Variants in RREB1 observed in about 807,000 individuals in gnomAD.
RREB1 encodes ras-responsive element-binding protein 1.
RREB1 carries 27 observed loss-of-function variants against 117.8 expected under a neutral mutation model. That is an observed-to-expected ratio of 0.23 (90% CI 0.17 to 0.32). The LOEUF (loss-of-function observed/expected upper bound fraction) is 0.32, where lower values mean the gene tolerates loss of function less well. RREB1 is among the 10% of genes least tolerant of loss of function. The probability of loss-of-function intolerance (pLI) is 1.00; values close to 1 mark genes in which losing one functional copy is unlikely to be tolerated. For synonymous variants in RREB1, 1,298 were observed against 1,026.7 expected, an observed-to-expected ratio of 1.26 and a Z score of -5.05; for missense variants, 2,577 against 2,378.2, an observed-to-expected ratio of 1.08 and a Z score of -1.74.
At chr6:7,112,647 C>T (rs191729463) in intron 1 of RREB1, among the ~76,000 whole-genome samples, 3 of 152,218 alleles carry the variant, frequency 2.0e-5, no homozygotes, top group Non-Finnish European at 1.5e-5. Context: ...ACGGTGTGCT[C>T]TCTGAAATGC....
chr6:7,170,956 G>GGGT (rs1561758463), intron 1 of RREB1, among the ~76,000 whole-genome samples: 6 of 152,092 alleles, frequency 3.9e-5, no homozygotes, highest in African/African-American at 1.4e-4. Context: ...TTTCTGACTC[G>GGGT]GTAGGTCTGG....
intron 11 of RREB1, among the ~76,000 whole-genome samples, chr6:7,245,863 C>T (rs1050424031): frequency 3.3e-5 from 5 of 152,206 alleles, no homozygotes; most frequent in African/African-American, 1.2e-4. Context: ...GTCTCTGCAG[C>T]CTCCACCTGG....
intron 1 of RREB1, among the ~76,000 whole-genome samples, chr6:7,152,879 A>G (rs1198069633): frequency 2.0e-5 from 3 of 152,202 alleles, no homozygotes; most frequent in East Asian, 3.8e-4. Context: ...TTAGTTGTCA[A>G]TCCCACTAAA....
At chr6:7,211,051 C>T (rs35810776) in intron 7 of RREB1, 103 bp downstream of exon 7, 1 of 1,172,716 alleles carries the variant, frequency 8.5e-7, no homozygotes, top group Non-Finnish European at 1.2e-6. Context: ...GACATACATC[C>T]TAAGCTCTTA....
chr6:7,238,635 C>G (rs1474386941), intron 10 of RREB1, among the ~76,000 whole-genome samples: 1 of 151,908 alleles, frequency 6.6e-6, no homozygotes, highest in Non-Finnish European at 1.5e-5. Flanking sequence ...ATAAATTTTG[C>G]AGAAAACACC....
rs1487737021 is a variant in RREB1, at chr6:7,246,642, G to A, written c.4192G>A (p.Glu1398Lys). 1.3e-6 allele frequency: 2 copies of A among 1,574,268 alleles called. No homozygotes were observed. The highest frequency in any genetic ancestry group is 1.7e-6 in the Non-Finnish European group (2 of 1,160,102). ...GCCGGAGGAGGAGCATGGCACTGAGGAGAGCACTGGGGACGCCGACGGCGC... is the reference window on the plus strand; with the variant it reads ...GCCGGAGGAGGAGCATGGCACTGAGAAGAGCACTGGGGACGCCGACGGCGC... The part of the protein sequence containing the change: ...HEPEEEHGTE[E>K]STGDADGAEE... The change falls in exon 12 of 13, where the codon GAG (glutamate) becomes AAG (lysine). Residue 1398 changes from glutamate (E) to lysine (K), a missense_variant. Glu to Lys is a moderately conservative substitution (Grantham distance 56). Transcript: ENST00000379938.
chr6:7,225,324 C>T (rs957077122), intron 8 of RREB1, among the ~76,000 whole-genome samples: 2 of 152,066 alleles, frequency 1.3e-5, no homozygotes, highest in African/African-American at 4.8e-5. Flanking sequence ...CTGTGCTTCC[C>T]GATGCAGTTG....
intron 8 of RREB1, chr6:7,215,213 T>C (rs1027149767): frequency 3.9e-5 from 6 of 152,302 alleles, no homozygotes; most frequent in Admixed American, 1.3e-4. Context: ...TCCATCAGAA[T>C]AGAACTGAGC....
intron 10 of RREB1, among the ~76,000 whole-genome samples, chr6:7,236,280 G>C (rs548926872): frequency 6.6e-6 from 1 of 152,284 alleles, no homozygotes; most frequent in East Asian, 1.9e-4. Flanking sequence ...TTGGGACTAT[G>C]GGGTGTCCAT....
intron 1 of RREB1, among the ~76,000 whole-genome samples, chr6:7,171,777 A>T (rs1764222636): frequency 6.6e-6 from 1 of 152,044 alleles, no homozygotes; most frequent in Non-Finnish European, 1.5e-5. Context: ...GTCATGTGGA[A>T]CATGGCCATG....
At position 7,230,712 on chromosome 6, in the gene RREB1, C is replaced by G. The variant is rs755623398; in HGVS notation, c.2613C>G (p.His871Gln). The change falls in exon 10 of 13, where the codon CAC (histidine) becomes CAG (glutamine). Residue 871 changes from histidine to glutamine, a missense_variant. By Grantham distance (24) the His-to-Gln change is conservative (BLOSUM62 0). Transcript: ENST00000379938. ...AFLEPQNGFL[H>Q]RGPTQPPPPH... ...TGGAACCCCAGAACGGCTTTCTTCA[C>G]AGGGGCCCCACCCAGCCTCCACCTC... 9 of 1,595,864 alleles carry G rather than the reference C, an allele frequency of 5.6e-6. No homozygotes were observed. The Admixed American group carries it at 1.4e-4, about 24-fold the overall frequency.
intron 10 of RREB1, among the ~76,000 whole-genome samples, chr6:7,234,441 T>A (rs1419834338): frequency 1.3e-5 from 2 of 152,164 alleles, no homozygotes; most frequent in Non-Finnish European, 2.9e-5. Flanking sequence ...GTTGTGCCCA[T>A]GTCTTTGCAG....
intron 10 of RREB1, among the ~76,000 whole-genome samples, chr6:7,232,294 TGGGGCATAATGAGCTC>T (rs1768042097): frequency 6.6e-6 from 1 of 152,224 alleles, no homozygotes; most frequent in Admixed American, 6.5e-5. Context: ...ATTAAGGTAT[TGGGGCATAATGAGCTC>T]GGTGCTTTGA....
rs1057512662 is a variant in RREB1, at chr6:7,226,457, C to T, written c.708-10C>T. 6.3e-7 allele frequency: 1 copy of T among 1,599,758 alleles called. No homozygotes were observed. Among genetic ancestry groups the T allele is most frequent in the African/African-American group, 1.3e-5 (1 of 74,556 alleles). On this transcript the variant is annotated splice_polypyrimidine_tract_variant and intron_variant, in intron 8 of 12. Transcript: ENST00000379938. Reference sequence around the variant, plus strand: ...TTTCTGCCTCATATGTTCTCCCTTTCCTCTCCTAGATGTGACATTTGTTGT... The same window carrying T: ...TTTCTGCCTCATATGTTCTCCCTTTTCTCTCCTAGATGTGACATTTGTTGT...
intron 1 of RREB1, among the ~76,000 whole-genome samples, chr6:7,128,739 CG>C (rs1475093730): frequency 4.6e-5 from 7 of 152,108 alleles, no homozygotes; most frequent in Non-Finnish European, 1.0e-4. Flanking sequence ...GAGGCCAAGG[CG>C]GGCAGATCAC....
At chr6:7,227,036 G>A (rs73376326) in intron 9 of RREB1, among the ~76,000 whole-genome samples, 3,420 of 152,060 alleles carry the variant, frequency 0.022, 122 homozygotes, top group African/African-American at 0.077. Context: ...AGGTCAGGAG[G>A]TTGAGACCTG....
intron 1 of RREB1, among the ~76,000 whole-genome samples, chr6:7,169,789 TGCAGG>T (rs1764124423): frequency 1.3e-5 from 2 of 152,080 alleles, no homozygotes; most frequent in Non-Finnish European, 2.9e-5. Flanking sequence ...TGCAGAGAGG[TGCAGG>T]AAGAAGAATG....
Position 7,127,178 on chromosome 6 carries a change from G to T in RREB1, c.-285+19118G>T, listed in dbSNP as rs768351937. ...AAGTGTTGGCCCTGGAAAAATGGAC[G>T]GGGGCTCGGTGGTGGAGTCTGTTGT... On this transcript the variant is annotated intron_variant, in intron 1 of 12. Transcript: ENST00000379938. 2.6e-5 allele frequency among the ~76,000 whole-genome samples: 4 copies of T among 152,102 alleles called. No individual in the cohort carries two copies. The South Asian group carries it at 6.2e-4, about 24-fold the overall frequency.
intron 5 of RREB1, among the ~76,000 whole-genome samples, chr6:7,188,943 A>C (rs1351194946): frequency 6.6e-6 from 1 of 152,254 alleles, no homozygotes; most frequent in South Asian, 2.1e-4. Flanking sequence ...GTAGTTTTCA[A>C]AACAATGTGG....
Sources: gnomAD v4.1 joint callset for allele counts (sites outside exome capture counted in the v4.1 genomes callset) on GRCh38, gnomAD v4.1.1 for gene constraint, MANE v1.5 for transcripts, NCBI Gene and HGNC (gene_info 2026-07-23, HGNC 2026-07-21) for gene names.